Variants in C8orf34 observed in about 807,000 individuals in gnomAD.
C8orf34 encodes uncharacterized protein C8orf34.
C8orf34 carries 65 observed loss-of-function variants against 68.3 expected under a neutral mutation model. That is an observed-to-expected ratio of 0.95 (90% CI 0.78 to 1.17). The LOEUF (loss-of-function observed/expected upper bound fraction) is 1.17, where lower values mean the gene tolerates loss of function less well. Ranked by LOEUF, C8orf34 falls within the 50% of genes most tolerant of loss-of-function variation. The probability of loss-of-function intolerance (pLI) is 0.00; values close to 1 mark genes in which losing one functional copy is unlikely to be tolerated. For missense variants in C8orf34, 664 were observed against 655.4 expected, an observed-to-expected ratio of 1.01 and a Z score of -0.14; for synonymous variants, 244 against 241.2, an observed-to-expected ratio of 1.01 and a Z score of -0.11.
intron 8 of C8orf34, among the ~76,000 whole-genome samples, chr8:68,666,047 G>A (rs11986585): frequency 0.025 from 3,753 of 152,220 alleles, 152 homozygotes; most frequent in African/African-American, 0.085. Flanking sequence ...AATTTTTATT[G>A]AGTGTGTCCC....
chr8:68,818,177 A>T, intron 13 of C8orf34, 62 bp from the exon 14 acceptor site: 1 of 1,560,668 alleles, frequency 6.4e-7, no homozygotes, highest in South Asian at 1.1e-5. Context: ...TTTCTTTTTA[A>T]TATGCTATAA....
intron 1 of C8orf34, among the ~76,000 whole-genome samples, chr8:68,422,482 A>G (rs1411616312): frequency 6.6e-6 from 1 of 152,194 alleles, no homozygotes; most frequent in Non-Finnish European, 1.5e-5. Context: ...ATGCTGATCC[A>G]AGAGGTAGAC....
intron 1 of C8orf34, among the ~76,000 whole-genome samples, chr8:68,385,070 A>G (rs1437613166): frequency 6.6e-6 from 1 of 152,208 alleles, no homozygotes; most frequent in Non-Finnish European, 1.5e-5. Context: ...GTGAATGTAA[A>G]CAACTTGAAT....
chr8:68,383,817 TAG>T (rs1392293122), intron 1 of C8orf34, among the ~76,000 whole-genome samples: 1 of 152,216 alleles, frequency 6.6e-6, no homozygotes, highest in African/African-American at 2.4e-5. Context: ...TCCAGGAGAA[TAG>T]CCTGGCACTG....
At chr8:68,491,476 C>T (rs936607569) in intron 5 of C8orf34, among the ~76,000 whole-genome samples, 1 of 152,096 alleles carries the variant, frequency 6.6e-6, no homozygotes, top group Non-Finnish European at 1.5e-5. Flanking sequence ...AATCTGTTTG[C>T]TCACCTTTTC....
At chr8:68,592,829 G>A (rs1045046865) in intron 7 of C8orf34, among the ~76,000 whole-genome samples, 6 of 151,774 alleles carry the variant, frequency 4.0e-5, no homozygotes, top group East Asian at 1.9e-4. Context: ...GGCTGGTCTC[G>A]AACTTCTGAC....
chr8:68,333,449 C>A (rs1217817255), intron 1 of C8orf34, among the ~76,000 whole-genome samples: 5 of 152,206 alleles, frequency 3.3e-5, no homozygotes, highest in African/African-American at 9.6e-5. Flanking sequence ...ATAATAAATT[C>A]TCTTTTAATA....
chr8:68,441,047 G>A lies in C8orf34; in HGVS notation c.475+1401G>A, dbSNP rs560236475. On this transcript the variant is annotated intron_variant, in intron 2 of 13. Transcript: ENST00000518698. ...TCTCGATCTCCTGACCTCGTGATCC[G>A]CCCTCCTTGGCCTCCCAAAGTGCTG... Among the ~76,000 whole-genome samples, 17 of 152,112 alleles carry A rather than the reference G, an allele frequency of 1.1e-4. No individual in the cohort carries two copies. In the East Asian group the frequency reaches 1.4e-3, roughly 12 times the overall value.
intron 8 of C8orf34, among the ~76,000 whole-genome samples, chr8:68,688,692 G>A (rs1432756885): frequency 6.6e-6 from 1 of 152,090 alleles, no homozygotes; most frequent in Non-Finnish European, 1.5e-5. Context: ...CAGGGACATA[G>A]ATGAAGCTGG....
chr8:68,617,705 G>T (rs1818268240), intron 7 of C8orf34, among the ~76,000 whole-genome samples: 1 of 152,092 alleles, frequency 6.6e-6, no homozygotes, highest in Non-Finnish European at 1.5e-5. Context: ...TTTCTCTCTG[G>T]CTGCCCTTAA....
At chr8:68,474,692 G>A (rs562419358) in intron 4 of C8orf34, among the ~76,000 whole-genome samples, 5 of 152,280 alleles carry the variant, frequency 3.3e-5, no homozygotes, top group South Asian at 2.1e-4. Context: ...GAATGCAGAC[G>A]CTTTCCATCC....
chr8:68,774,301 TTATC>T (rs1165190827), intron 10 of C8orf34, among the ~76,000 whole-genome samples: 40 of 124,156 alleles, frequency 3.2e-4, no homozygotes, highest in African/African-American at 1.5e-3. Flanking sequence ...AAGAAACAGT[TTATC>T]TATGTATAAA....
chr8:68,772,258 A>G (rs951514971), intron 10 of C8orf34, among the ~76,000 whole-genome samples: 2 of 152,202 alleles, frequency 1.3e-5, no homozygotes, highest in African/African-American at 4.8e-5. Context: ...GAATAAATGT[A>G]CCCTACACAC....
chr8:68,705,926 C>G (rs939151076), intron 8 of C8orf34, among the ~76,000 whole-genome samples: 4 of 152,128 alleles, frequency 2.6e-5, no homozygotes, highest in African/African-American at 4.8e-5. Flanking sequence ...CTCTTGCGCT[C>G]TGCGCGTTGG....
At chr8:68,642,343 A>G (rs539348020) in intron 8 of C8orf34, among the ~76,000 whole-genome samples, 2 of 152,358 alleles carry the variant, frequency 1.3e-5, no homozygotes, top group South Asian at 4.1e-4. Context: ...AAATGTGGTA[A>G]ACAGTATGGA....
chr8:68,637,485 G>A (rs561060226), intron 7 of C8orf34, among the ~76,000 whole-genome samples: 12 of 152,178 alleles, frequency 7.9e-5, no homozygotes, highest in Admixed American at 7.2e-4. Flanking sequence ...TGTGCATGAA[G>A]CAAGCAGGAC....
chr8:68,563,994 AAAAG>A (rs1317541074), intron 7 of C8orf34, among the ~76,000 whole-genome samples: 1 of 152,222 alleles, frequency 6.6e-6, no homozygotes, highest in Non-Finnish European at 1.5e-5. Context: ...GCATGTCTGA[AAAAG>A]AAATATCTGT....
chr8:68,367,614 T>C (rs1369320804), intron 1 of C8orf34, among the ~76,000 whole-genome samples: 1 of 127,890 alleles, frequency 7.8e-6, no homozygotes, highest in Non-Finnish European at 1.6e-5. Flanking sequence ...ATGGATGAAA[T>C]TGGAAATCAT....
intron 10 of C8orf34, among the ~76,000 whole-genome samples, chr8:68,738,771 T>C (rs559265393): frequency 7.9e-4 from 120 of 152,120 alleles, no homozygotes; most frequent in African/African-American, 2.7e-3. Flanking sequence ...AATAACAAGC[T>C]CTGATATTGA....
Sources: gnomAD v4.1 joint callset for allele counts (sites outside exome capture counted in the v4.1 genomes callset) on GRCh38, gnomAD v4.1.1 for gene constraint, MANE v1.5 for transcripts, NCBI Gene and HGNC (gene_info 2026-07-23, HGNC 2026-07-21) for gene names.